ZNF700: variants seen among roughly 807,000 people sequenced by gnomAD.
The protein encoded by ZNF700 is zinc finger protein 700.
Under a neutral mutation model 65.3 loss-of-function variants are expected in ZNF700, and 38 were observed. That is an observed-to-expected ratio of 0.58 (90% CI 0.45 to 0.76). ZNF700 has a LOEUF of 0.76. ZNF700 is among the 30% of genes least tolerant of loss of function. ZNF700 has a pLI of 0.00. For synonymous variants in ZNF700, 285 were observed against 290.4 expected, an observed-to-expected ratio of 0.98 and a Z score of 0.19; for missense variants, 857 against 888.4, an observed-to-expected ratio of 0.96 and a Z score of 0.45.
chr19:11,946,859 G>A (rs796393378), intron 1 of ZNF700: 39 of 261,668 alleles, frequency 1.5e-4, no homozygotes, highest in African/African-American at 6.4e-4. Flanking sequence ...GGTCACTCAC[G>A]CGTGGTGGTA....
In ZNF700 at chr19:11,932,883, T is replaced by C. The variant is rs947683585; in HGVS notation, c.63+7610T>C. ...CAATATCCTGACCTCGTGATCCGCC[T>C]GCCTCAGCCTCCCAAAGTGCTGGGA... On this transcript the variant is annotated intron_variant, in intron 1 of 3. Coordinates refer to ENST00000254321, the MANE Select transcript of ZNF700 (RefSeq NM_144566.3). Among the ~76,000 whole-genome samples the C allele has an allele frequency of 3.4e-5, 5 of 148,322 alleles. 1 individual carries two copies. The highest frequency in any genetic ancestry group is 7.4e-5 in the Non-Finnish European group (5 of 67,908).
intron 1 of ZNF700, among the ~76,000 whole-genome samples, chr19:11,939,617 C>T (rs533319283): frequency 2.0e-5 from 3 of 152,140 alleles, no homozygotes; most frequent in East Asian, 3.9e-4. Context: ...CATGCTGTTG[C>T]GCCTGGCTAA....
chr19:11,935,038 A>G (rs551394903), intron 1 of ZNF700, among the ~76,000 whole-genome samples: 10 of 145,570 alleles, frequency 6.9e-5, no homozygotes, highest in East Asian at 2.1e-4. Flanking sequence ...TTAGCCAGGC[A>G]TGGTGGCGGG....
chr19:11,938,091 C>T (rs565682597), intron 1 of ZNF700, among the ~76,000 whole-genome samples: 30 of 151,984 alleles, frequency 2.0e-4, no homozygotes, highest in Non-Finnish European at 4.0e-4. Flanking sequence ...CGTTTGGAGA[C>T]GGAGTCTCAC....
At chr19:11,939,234 G>C (rs1227345578) in intron 1 of ZNF700, among the ~76,000 whole-genome samples, 1 of 152,138 alleles carries the variant, frequency 6.6e-6, no homozygotes, top group Non-Finnish European at 1.5e-5. Context: ...AGTTTAATTA[G>C]ATCCCATTTG....
At chr19:11,935,899 G>A (rs1327038351) in intron 1 of ZNF700, among the ~76,000 whole-genome samples, 1 of 152,126 alleles carries the variant, frequency 6.6e-6, no homozygotes, top group Admixed American at 6.5e-5. Flanking sequence ...GATGTTCCCT[G>A]CCCTGTGTCC....
rs755202572 is a variant in ZNF700, at chr19:11,949,942, A to G, written c.1918A>G (p.Arg640Gly). ...RSASNLQMHE[R>G]THTGEKPYEC... is the part of the protein sequence containing the mutation. ...TGCCTCAAACCTTCAGATGCATGAA[A>G]GGACTCACACTGGAGAGAAACCCTA... Residue 640 changes from arginine (R) to glycine (G), a missense_variant, in exon 4 of 4, where the codon AGG (arginine) becomes GGG (glycine). Physicochemically the swap from Arg to Gly is moderately radical, Grantham distance 125. This residue lies in a region of ZNF700 where 251 missense variants were observed against 250.3 expected (regional missense o/e 1.00). Coordinates refer to ENST00000254321, the MANE Select transcript of ZNF700 (RefSeq NM_144566.3). The G allele has an allele frequency of 1.9e-6, 3 of 1,614,152 alleles. No individual in the cohort carries two copies. Among genetic ancestry groups the G allele is most frequent in the East Asian group, 2.2e-5 (1 of 44,870 alleles).
intron 1 of ZNF700, among the ~76,000 whole-genome samples, chr19:11,937,375 C>A (rs1410418924): frequency 1.3e-5 from 2 of 151,970 alleles, no homozygotes; most frequent in Non-Finnish European, 2.9e-5. Context: ...ACGGGGTCTC[C>A]CTATGTTGCC....
rs187580635 is a variant in ZNF700 at position 11,940,894 on chromosome 19, G to C, written c.64-6287G>C. Among the ~76,000 whole-genome samples the C allele has an allele frequency of 2.0e-5, 3 of 152,242 alleles. No individual in the cohort carries two copies. The East Asian group carries it at 5.8e-4, about 29-fold the overall frequency. ...GGTTCTCCAAGGCCCCACCAGAATA[G>C]CTAGGTACAGAGTGTCGATTGGTGC... On this transcript the variant is annotated intron_variant, in intron 1 of 3. Coordinates refer to ENST00000254321, the MANE Select transcript of ZNF700 (RefSeq NM_144566.3).
At chr19:11,936,214 T>G (rs572424364) in intron 1 of ZNF700, among the ~76,000 whole-genome samples, 18 of 152,224 alleles carry the variant, frequency 1.2e-4, no homozygotes, top group Admixed American at 2.0e-4. Flanking sequence ...GTAGTGGGAT[T>G]GCTGGGTCAA....
intron 1 of ZNF700, among the ~76,000 whole-genome samples, chr19:11,927,478 A>C (rs1972648531): frequency 6.6e-6 from 1 of 151,632 alleles, no homozygotes; most frequent in Non-Finnish European, 1.5e-5. Context: ...AAGGAAAAAG[A>C]AAGAAAAAGC....
intron 1 of ZNF700, among the ~76,000 whole-genome samples, chr19:11,942,263 A>C (rs184524211): frequency 6.6e-6 from 1 of 151,334 alleles, no homozygotes; most frequent in African/African-American, 2.4e-5. Context: ...TTGGCTAGCT[A>C]TCTGCCTTCT....
chr19:11,944,043 C>T (rs991649122), intron 1 of ZNF700, among the ~76,000 whole-genome samples: 2 of 152,150 alleles, frequency 1.3e-5, no homozygotes, highest in African/African-American at 2.4e-5. Context: ...TGGTCCCTTC[C>T]ACCATGGGCA....
rs531292026 is a variant in ZNF700 at position 11,930,598 on chromosome 19, T to C, written c.63+5325T>C. 2.7e-5 allele frequency among the ~76,000 whole-genome samples: 4 copies of C among 148,848 alleles called. 1 individual carries two copies. The highest frequency in any genetic ancestry group is 5.9e-5 in the Non-Finnish European group (4 of 67,930). On this transcript the variant is annotated intron_variant, in intron 1 of 3. Coordinates refer to ENST00000254321, the MANE Select transcript of ZNF700 (RefSeq NM_144566.3). ...TATATGGAGATGACAGGTAGTGGAT[T>C]GATTATTCTCCTGTAGATAACCATT...
intron 1 of ZNF700, among the ~76,000 whole-genome samples, chr19:11,939,096 G>T (rs1236851610): frequency 6.6e-6 from 1 of 152,126 alleles, no homozygotes; most frequent in Non-Finnish European, 1.5e-5. Flanking sequence ...TTGTAAATTT[G>T]TTTAAGTTCT....
chr19:11,943,606 G>T lies in ZNF700; in HGVS notation c.64-3575G>T, dbSNP rs528484457. Among the ~76,000 whole-genome samples the T allele has an allele frequency of 4.6e-5, 7 of 152,220 alleles. 1 individual carries two copies. Among genetic ancestry groups the T allele is most frequent in the African/African-American group, 1.7e-4 (7 of 41,544 alleles). ...TCAGATGGGTTATGGTACACATCAG[G>T]TCGGGCATTTCCTGGGTTACACACT... On this transcript the variant is annotated intron_variant, in intron 1 of 3. Transcript: ENST00000254321.
intron 1 of ZNF700, among the ~76,000 whole-genome samples, chr19:11,931,010 A>AG: frequency 6.8e-6 from 1 of 147,850 alleles, no homozygotes; most frequent in East Asian, 1.9e-4. Context: ...AAAAAAAAAA[A>AG]AAACAACATA....
intron 1 of ZNF700, among the ~76,000 whole-genome samples, chr19:11,934,454 T>C (rs1217143426): frequency 6.7e-6 from 1 of 148,422 alleles, no homozygotes; most frequent in Non-Finnish European, 1.5e-5. Context: ...TGTCAGTGTT[T>C]TGGATTTTAG....
chr19:11,925,325 AGGCGGGAACCGGCTGT>A (rs1338907208), intron 1 of ZNF700, 52 bp downstream of exon 1: 1 of 1,602,052 alleles, frequency 6.2e-7, no homozygotes, highest in South Asian at 1.1e-5. Context: ...TGCCTGGAAC[AGGCGGGAACCGGCTGT>A]GGCGGGACCC....
Sources: allele counts gnomAD v4.1 joint callset (sites outside exome capture counted in the v4.1 genomes callset), GRCh38; gene constraint gnomAD v4.1.1; regional missense constraint gnomAD v4.1.1; transcripts MANE v1.5; gene names NCBI Gene and HGNC (gene_info 2026-07-23, HGNC 2026-07-21).